The following PTPRD variants were observed in gnomAD, a reference collection of about 807,000 sequenced individuals.
The protein encoded by PTPRD is protein tyrosine phosphatase receptor type D, also known as receptor-type tyrosine-protein phosphatase delta.
In PTPRD, 34 loss-of-function variants were observed where a neutral mutation model predicts 214.5. The observed-to-expected ratio is 0.16, with a 90% CI of 0.12 to 0.21. The LOEUF (loss-of-function observed/expected upper bound fraction) is 0.21, where lower values mean the gene tolerates loss of function less well. Ranked by LOEUF, PTPRD falls within the 10% of genes least tolerant of loss-of-function variation. The pLI, the probability that PTPRD is intolerant of heterozygous loss-of-function variation, is 1.00. For missense variants in PTPRD, 2,545 were observed against 2,398.7 expected (o/e 1.06, Z -1.27); for synonymous variants, 1,128 against 845.7 (o/e 1.33, Z -5.79).
At chr9:8,907,529 A>ATATATAT (rs1555505700) in intron 11 of PTPRD, among the ~76,000 whole-genome samples, 1 of 133,164 alleles carries the variant, frequency 7.5e-6, no homozygotes, top group East Asian at 2.6e-4. Context: ...AAAAAAAAAA[A>ATATATAT]AAAAATATAT....
intron 11 of PTPRD, among the ~76,000 whole-genome samples, chr9:8,993,102 G>T (rs564685291): frequency 6.6e-6 from 1 of 152,240 alleles, no homozygotes; most frequent in South Asian, 2.1e-4. Context: ...ATCAGAGGAA[G>T]AATAATTATG....
At chr9:9,388,115 G>A (rs1478092285) in intron 9 of PTPRD, among the ~76,000 whole-genome samples, 1 of 152,076 alleles carries the variant, frequency 6.6e-6, no homozygotes, top group South Asian at 2.1e-4. Flanking sequence ...GCAGATGGGG[G>A]AGCCAGAAGG....
intron 10 of PTPRD, among the ~76,000 whole-genome samples, chr9:9,070,416 A>G (rs2154408401): frequency 6.6e-6 from 1 of 152,296 alleles, no homozygotes; most frequent in South Asian, 2.1e-4. Context: ...GAGCATAGGT[A>G]GCAACATCGA....
intron 2 of PTPRD, among the ~76,000 whole-genome samples, chr9:10,531,964 G>C (rs985815854): frequency 1.3e-5 from 2 of 152,118 alleles, no homozygotes. Context: ...TTATTTAATA[G>C]TGGGAATAAC....
intron 9 of PTPRD, among the ~76,000 whole-genome samples, chr9:9,306,887 T>C (rs1016445730): frequency 6.6e-6 from 1 of 152,214 alleles, no homozygotes; most frequent in Non-Finnish European, 1.5e-5. Context: ...GTTTGGCATG[T>C]ACATTTGAAT....
chr9:9,635,158 A>G (rs570837881), intron 7 of PTPRD, among the ~76,000 whole-genome samples: 158 of 152,308 alleles, frequency 1.0e-3, no homozygotes, highest in African/African-American at 3.7e-3. Flanking sequence ...GAATAAGCCT[A>G]TAAAGCTTCT....
At chr9:8,668,716 G>C (rs1449365523) in intron 12 of PTPRD, among the ~76,000 whole-genome samples, 1 of 152,172 alleles carries the variant, frequency 6.6e-6, no homozygotes, top group Non-Finnish European at 1.5e-5. Flanking sequence ...ACTGTGTTAA[G>C]TGATTCATAA....
intron 9 of PTPRD, among the ~76,000 whole-genome samples, chr9:9,349,227 C>T (rs948166355): frequency 2.0e-5 from 3 of 152,076 alleles, no homozygotes; most frequent in Admixed American, 6.6e-5. Flanking sequence ...AAATTCTGAG[C>T]TCCTTAACAT....
chr9:9,299,020 A>T (rs1384430405), intron 9 of PTPRD, among the ~76,000 whole-genome samples: 2 of 151,744 alleles, frequency 1.3e-5, no homozygotes, highest in African/African-American at 2.4e-5. Flanking sequence ...CAACTTCATT[A>T]TTATCCTAAT....
chr9:8,982,853 C>G (rs1429749800), intron 11 of PTPRD, among the ~76,000 whole-genome samples: 1 of 151,836 alleles, frequency 6.6e-6, no homozygotes, highest in East Asian at 1.9e-4. Flanking sequence ...TGAGACTATT[C>G]ACATGTAAAT....
intron 11 of PTPRD, among the ~76,000 whole-genome samples, chr9:9,012,430 G>A (rs2099515595): frequency 6.6e-6 from 1 of 152,116 alleles, no homozygotes; most frequent in South Asian, 2.1e-4. Flanking sequence ...GACTGAGTGA[G>A]GACCATAAGC....
At chr9:9,948,081 C>T (rs531212228) in intron 4 of PTPRD, among the ~76,000 whole-genome samples, 2 of 152,010 alleles carry the variant, frequency 1.3e-5, no homozygotes, top group East Asian at 3.9e-4. Context: ...AAGCTCAGAA[C>T]ATGAAGAGTA....
At chr9:10,151,571 AC>A (rs2099061545) in intron 3 of PTPRD, among the ~76,000 whole-genome samples, 1 of 151,880 alleles carries the variant, frequency 6.6e-6, no homozygotes, top group African/African-American at 2.4e-5. Flanking sequence ...TTTTTTGCTA[AC>A]TTTTAAATCT....
intron 31 of PTPRD, among the ~76,000 whole-genome samples, chr9:8,466,557 G>A (rs920819778): frequency 2.6e-5 from 4 of 151,844 alleles, no homozygotes; most frequent in African/African-American, 9.7e-5. Context: ...TGATTTCAAA[G>A]TTACCTTTGA....
At chr9:10,032,007 G>A (rs2097090420) in intron 4 of PTPRD, among the ~76,000 whole-genome samples, 1 of 152,104 alleles carries the variant, frequency 6.6e-6, no homozygotes, top group South Asian at 2.1e-4. Flanking sequence ...AGTCTGGAAT[G>A]TCTTGAATTT....
intron 10 of PTPRD, among the ~76,000 whole-genome samples, chr9:9,134,917 G>A (rs936767434): frequency 6.6e-6 from 1 of 152,100 alleles, no homozygotes; most frequent in African/African-American, 2.4e-5. Flanking sequence ...CAGTAGTTAT[G>A]TCACAGGATG....
chr9:9,986,755 T>G (rs1023587982), intron 4 of PTPRD, among the ~76,000 whole-genome samples: 1 of 152,176 alleles, frequency 6.6e-6, no homozygotes, highest in African/African-American at 2.4e-5. Context: ...CTTTTGTGAT[T>G]GAAATACTCT....
At chr9:9,557,383 A>T (rs1325711954) in intron 8 of PTPRD, among the ~76,000 whole-genome samples, 1 of 152,192 alleles carries the variant, frequency 6.6e-6, no homozygotes, top group Non-Finnish European at 1.5e-5. Flanking sequence ...ACTCTAACAT[A>T]GCATTGCATA....
intron 5 of PTPRD, among the ~76,000 whole-genome samples, chr9:9,795,626 C>A (rs1377132605): frequency 6.6e-6 from 1 of 151,990 alleles, no homozygotes. Context: ...TGTCATTAAC[C>A]TTTTTCTTAT....
Sources: allele counts gnomAD v4.1 joint callset (sites outside exome capture counted in the v4.1 genomes callset), GRCh38; gene constraint gnomAD v4.1.1; transcripts MANE v1.5; gene names NCBI Gene and HGNC (gene_info 2026-07-23, HGNC 2026-07-21).